The following CCNT1 variants were observed in gnomAD, a reference collection of about 807,000 sequenced individuals.
CCNT1 encodes the protein cyclin T1.
Under a neutral mutation model 67.3 loss-of-function variants are expected in CCNT1, and 18 were observed. The observed-to-expected ratio is 0.27, with a 90% CI of 0.18 to 0.40. CCNT1 has a LOEUF of 0.40. Ranked by LOEUF, CCNT1 falls within the 10% of genes least tolerant of loss-of-function variation. CCNT1 has a pLI of 1.00. For synonymous variants in CCNT1, 333 were observed against 310.3 expected, an observed-to-expected ratio of 1.07 and a Z score of -0.77; for missense variants, 744 against 884.9, an observed-to-expected ratio of 0.84 and a Z score of 2.02.
Position 48,699,824 on chromosome 12 carries a change from A to G in CCNT1, c.450T>C (p.Ile150=), listed in dbSNP as rs944469368. 6.2e-7 allele frequency: 1 copy of G among 1,605,854 alleles called. No individual in the cohort carries two copies. The highest frequency in any genetic ancestry group is 1.3e-5 in the African/African-American group (1 of 74,714). ...TTACTACATGAGTATGTGGGTGATC[A>G]ATTGTTAGTTCAAAGCCTTAAAAGA... ...ILQTLGFELT[I]DHPHTHVVKC... is the part of the protein sequence containing the mutation. The change falls in exon 5 of 9, where the codon ATT becomes ATC. Residue 150 remains isoleucine, a synonymous_variant. Transcript: ENST00000261900.
chr12:48,697,522 T>TAAAAAAAAAAA (rs1205232506), intron 6 of CCNT1, among the ~76,000 whole-genome samples: 5 of 116,800 alleles, frequency 4.3e-5, no homozygotes, highest in Admixed American at 9.0e-5. Flanking sequence ...GACTCTGTCT[T>TAAAAAAAAAAA]AAAAAAAAAA....
rs1440661323 is a variant in CCNT1 at position 48,691,188 on chromosome 12, C to T, written c.*1845G>A. 6.6e-6 allele frequency: 1 copy of T among 152,200 alleles called. No homozygotes were observed. Among genetic ancestry groups the T allele is most frequent in the Non-Finnish European group, 1.5e-5 (1 of 68,048 alleles). 9.4% of individuals were successfully genotyped at this position (152,200 alleles called of 1,614,324 possible). A position where few individuals can be genotyped will look rare whatever the true frequency, so the allele number is the denominator to read the frequency against. On this transcript the variant is annotated 3_prime_UTR_variant, in exon 9 of 9. Transcript: ENST00000261900. ...ATATGCAAGATGCAGGGCACTAACC[C>T]ACCGTCAGTTAACGTTTACTCCTGC...
At position 48,698,189 on chromosome 12, in the gene CCNT1, G is replaced by GAAAAAA; in HGVS notation, c.497-12_497-7dup. 1.8e-6 allele frequency: 2 copies of GAAAAAA among 1,099,958 alleles called. No homozygotes were observed. The highest frequency in any genetic ancestry group is 1.7e-5 in the South Asian group (1 of 58,652). The allele number at this position is 1,099,958 out of a possible 1,614,324, so 68.1% of individuals were successfully genotyped here. A position where few individuals can be genotyped will look rare whatever the true frequency, so the allele number is the denominator to read the frequency against. ...CTGTGCTAAGTCCTTGCTTGCTAAA[G>GAAAAAA]AAAAAAAAAAAAAGTCAGGGGTGGG... On this transcript the variant is annotated splice_polypyrimidine_tract_variant and splice_region_variant and intron_variant, in intron 5 of 8. Coordinates refer to ENST00000261900, the MANE Select transcript of CCNT1 (RefSeq NM_001240.4).
At chr12:48,711,214 T>C (rs941856592) in intron 2 of CCNT1, among the ~76,000 whole-genome samples, 3 of 151,792 alleles carry the variant, frequency 2.0e-5, no homozygotes, top group African/African-American at 7.3e-5. Context: ...ACCCTGTCTA[T>C]ACTAAAAATA....
At position 48,714,534 on chromosome 12, in the gene CCNT1, T is replaced by A; in HGVS notation, c.162-10A>T. ...GATAGTCAATTGTGAGCTGAAGTGT[T>A]CAAGTTAAGATCCAAAAACAGGCAG... On this transcript the variant is annotated splice_polypyrimidine_tract_variant and intron_variant, in intron 1 of 8. Coordinates refer to ENST00000261900, the MANE Select transcript of CCNT1 (RefSeq NM_001240.4). The A allele has an allele frequency of 6.3e-7, 1 of 1,582,898 alleles. No homozygotes were observed. Among genetic ancestry groups the A allele is most frequent in the Non-Finnish European group, 8.7e-7 (1 of 1,151,872 alleles).
chr12:48,712,711 G>A (rs930411135), intron 2 of CCNT1, among the ~76,000 whole-genome samples: 9 of 147,150 alleles, frequency 6.1e-5, no homozygotes, highest in African/African-American at 2.0e-4. Flanking sequence ...AGGCTGAGGC[G>A]GGCAGATCAC....
intron 2 of CCNT1, among the ~76,000 whole-genome samples, chr12:48,711,332 A>G (rs1013147155): frequency 6.6e-6 from 1 of 151,626 alleles, no homozygotes; most frequent in African/African-American, 2.4e-5. Context: ...GTGAGCTCAG[A>G]TGGCGCCATT....
At chr12:48,695,873 A>C (rs1172146999) in intron 7 of CCNT1, 44 bp from the exon 8 acceptor site, 1 of 1,534,088 alleles carries the variant, frequency 6.5e-7, no homozygotes, top group South Asian at 1.1e-5. Flanking sequence ...AGAGAAACAG[A>C]AGTAATGAAA....
chr12:48,693,695 T>G lies in CCNT1; in HGVS notation c.1519A>C (p.Lys507Gln). The stretch of plus-strand genomic sequence containing the variant: ...GATGGGTGAGTCTTGTGCTTTTCTT[T>G]GTGCTCTCGGCTCTTTGTAACACTG... The part of the protein sequence containing the change: ...EDSVTKSREH[K>Q]EKHKTHPSNH... Residue 507 changes from lysine to glutamine, a missense_variant, in exon 9 of 9, where the codon AAA (lysine) becomes CAA (glutamine). This residue lies in a region of CCNT1 where 564 missense variants were observed against 574.2 expected (regional missense o/e 0.98). Transcript: ENST00000261900. 6.2e-7 allele frequency: 1 copy of G among 1,614,160 alleles called. No homozygotes were observed. The highest frequency in any genetic ancestry group is 2.2e-5 in the East Asian group (1 of 44,886).
In CCNT1 at chr12:48,695,838, A is replaced by G; in HGVS notation, c.707-9T>C. ...AAACTCATGTGTCAGTTCTACAAGT[A>G]AAACAGAACATTCAAGAAAGACTGA... On this transcript the variant is annotated splice_polypyrimidine_tract_variant and intron_variant, in intron 7 of 8. Transcript: ENST00000261900. 1 of 1,602,004 alleles carries G rather than the reference A, an allele frequency of 6.2e-7. No individual in the cohort carries two copies. Among genetic ancestry groups the G allele is most frequent in the Non-Finnish European group, 8.6e-7 (1 of 1,169,270 alleles).
At chr12:48,714,341 A>T in intron 2 of CCNT1, 102 bp downstream of exon 2, 1 of 703,490 alleles carries the variant, frequency 1.4e-6, no homozygotes, top group Non-Finnish European at 2.5e-6. Context: ...CCTAAATTCT[A>T]AAGTTCAAGT....
intron 2 of CCNT1, 106 bp from the exon 3 acceptor site, chr12:48,706,002 C>A (rs1940351460): frequency 3.6e-6 from 4 of 1,098,944 alleles, no homozygotes; most frequent in Non-Finnish European, 3.8e-6. Context: ...TTGCTTGCCT[C>A]AACTTTGTCA....
At chr12:48,694,922 C>A (rs1468055079) in intron 8 of CCNT1, among the ~76,000 whole-genome samples, 1 of 152,202 alleles carries the variant, frequency 6.6e-6, no homozygotes, top group African/African-American at 2.4e-5. Context: ...GTCCCGAGTT[C>A]AAGCGATTCT....
At chr12:48,706,433 T>C (rs1201301485) in intron 2 of CCNT1, among the ~76,000 whole-genome samples, 1 of 152,224 alleles carries the variant, frequency 6.6e-6, no homozygotes, top group East Asian at 1.9e-4. Context: ...AACAAACGAA[T>C]TTCATTGTAC....
chr12:48,701,320 G>A (rs1265347220), intron 3 of CCNT1, among the ~76,000 whole-genome samples: 1 of 146,366 alleles, frequency 6.8e-6, no homozygotes, highest in Non-Finnish European at 1.5e-5. Context: ...CCACCTCCCT[G>A]GTTCAAGCAA....
intron 3 of CCNT1, among the ~76,000 whole-genome samples, chr12:48,705,190 C>T (rs1940335549): frequency 6.6e-6 from 1 of 152,308 alleles, no homozygotes; most frequent in East Asian, 1.9e-4. Flanking sequence ...TGGCTCACTG[C>T]AGCCTCAACA....
intron 2 of CCNT1, among the ~76,000 whole-genome samples, chr12:48,712,223 A>G (rs1334532752): frequency 2.0e-5 from 3 of 152,204 alleles, no homozygotes; most frequent in African/African-American, 7.2e-5. Context: ...GCATTAAAAA[A>G]GTAATAATAA....
intron 3 of CCNT1, among the ~76,000 whole-genome samples, chr12:48,703,907 C>A (rs1422834979): frequency 2.1e-4 from 31 of 146,706 alleles, no homozygotes; most frequent in Admixed American, 1.6e-3. Flanking sequence ...GCCAGGGCAA[C>A]AGAATGAGAC....
At chr12:48,716,182 G>C (rs528625554) in intron 1 of CCNT1, among the ~76,000 whole-genome samples, 49 of 152,326 alleles carry the variant, frequency 3.2e-4, no homozygotes, top group African/African-American at 1.1e-3. Context: ...TAGACCCCTA[G>C]GGCACAGCGG....
Sources: allele counts gnomAD v4.1 joint callset (sites outside exome capture counted in the v4.1 genomes callset), GRCh38; gene constraint gnomAD v4.1.1; regional missense constraint gnomAD v4.1.1; transcripts MANE v1.5; gene names NCBI Gene and HGNC (gene_info 2026-07-23, HGNC 2026-07-21).